SNED1: variants seen among roughly 807,000 people sequenced by gnomAD.
SNED1 encodes the protein sushi, nidogen and EGF-like domain-containing protein 1.
A neutral mutation model predicts 166.7 loss-of-function variants in SNED1; 81 were observed. That is an observed-to-expected ratio of 0.49 (90% confidence interval 0.41 to 0.58). The LOEUF is 0.58. Among genes scored for constraint, SNED1 ranks in the 20% least tolerant of loss-of-function variants. The pLI, the probability that SNED1 is intolerant of heterozygous loss-of-function variation, is 0.00. For missense variants in SNED1, 1,604 were observed against 2,000.2 expected, an observed-to-expected ratio of 0.80 and a Z score of 3.78; for synonymous variants, 762 against 822.0, an observed-to-expected ratio of 0.93 and a Z score of 1.25.
chr2:241,081,882 G>A (rs2063345547), intron 28 of SNED1, 89 bp downstream of exon 28: 2 of 1,006,324 alleles, frequency 2.0e-6, no homozygotes, highest in Admixed American at 4.1e-5. Flanking sequence ...GTTTGCCACG[G>A]GAGCCTCCAA....
In SNED1 at chr2:241,069,002, G is replaced by A. The variant is rs138901734; in HGVS notation, c.3286G>A (p.Ala1096Thr). 35 of 1,552,776 alleles carry A rather than the reference G, an allele frequency of 2.3e-5. No homozygotes were observed. Among genetic ancestry groups the A allele is most frequent in the African/African-American group, 8.2e-5 (6 of 73,258 alleles). ...EEHPTESLAT[A>T]PTHVWTRPLP... ...GCACCCCACAGAGAGCCTGGCCACC[G>A]CGCCGACGCACGTGTGGACCCGTGA... is the stretch of plus-strand genomic sequence containing the variant. Residue 1096 changes from alanine to threonine, a missense_variant, in exon 23 of 32, where the codon GCG (alanine) becomes ACG (threonine). This residue lies in a region of SNED1 where 1,237 missense variants were observed against 1,620.8 expected (regional missense o/e 0.76). Coordinates refer to ENST00000310397, the MANE Select transcript of SNED1 (RefSeq NM_001080437.3). This position sits in a 1 kb window ranked among gnomAD's most constrained non-coding sequence, Gnocchi z 4.9.
intron 8 of SNED1, among the ~76,000 whole-genome samples, chr2:241,042,073 A>G (rs2061535939): frequency 6.6e-6 from 1 of 152,160 alleles, no homozygotes; most frequent in African/African-American, 2.4e-5. Context: ...AGGAACTGAG[A>G]GTCCAGCAGT....
At chr2:241,046,873 G>A (rs2061661710) in intron 8 of SNED1, among the ~76,000 whole-genome samples, 1 of 152,142 alleles carries the variant, frequency 6.6e-6, no homozygotes, top group Admixed American at 6.5e-5. Context: ...TAGCTGGCGT[G>A]GTGGCTCACC....
At chr2:241,031,818 T>C (rs1275431746) in intron 2 of SNED1, among the ~76,000 whole-genome samples, 2 of 152,204 alleles carry the variant, frequency 1.3e-5, no homozygotes, top group Non-Finnish European at 2.9e-5. Context: ...ATGTTGACTT[T>C]TACATAAGTG....
At chr2:241,088,533 T>C in intron 31 of SNED1, 131 bp downstream of exon 31, 1 of 759,818 alleles carries the variant, frequency 1.3e-6, no homozygotes, top group Non-Finnish European at 2.3e-6. Flanking sequence ...GGTCCTGTGC[T>C]GCTGTGTTAC....
intron 8 of SNED1, among the ~76,000 whole-genome samples, chr2:241,045,815 C>A (rs891796585): frequency 6.6e-6 from 1 of 151,504 alleles, no homozygotes; most frequent in Non-Finnish European, 1.5e-5. Context: ...TAGACTTCAT[C>A]AAAATTTAAA....
In SNED1 at chr2:241,064,111, A is replaced by C; in HGVS notation, c.2585A>C (p.Tyr862Ser). 1 of 1,561,082 alleles carries C rather than the reference A, an allele frequency of 6.4e-7. No individual in the cohort carries two copies. ...GTCTGCCCAGAGAGCTTCTTCGGCT[A>C]CCACTGCGAGACAGGTAGGGCGGCA... ...LCVCPESFFG[Y>S]HCETVSDPCF... The change falls in exon 19 of 32, where the codon TAC becomes TCC. Residue 862 changes from tyrosine (Y) to serine (S), a missense_variant. Coordinates refer to ENST00000310397, the MANE Select transcript of SNED1 (RefSeq NM_001080437.3). The surrounding 1 kb of genome is among the most constrained non-coding windows in gnomAD (Gnocchi z 7.0).
At chr2:241,059,356 T>A (rs1272147876) in intron 16 of SNED1, among the ~76,000 whole-genome samples, 1 of 152,248 alleles carries the variant, frequency 6.6e-6, no homozygotes, top group Non-Finnish European at 1.5e-5. Flanking sequence ...TAGAAAGAGC[T>A]ACATATTTTT....
At chr2:241,061,233 A>G (rs1372167916) in intron 16 of SNED1, among the ~76,000 whole-genome samples, 4 of 152,242 alleles carry the variant, frequency 2.6e-5, no homozygotes, top group African/African-American at 9.6e-5. Flanking sequence ...ATTTCATGGA[A>G]GAAGAGATAC....
chr2:241,012,801 G>A (rs1465137622), intron 1 of SNED1, among the ~76,000 whole-genome samples: 2 of 150,960 alleles, frequency 1.3e-5, no homozygotes, highest in African/African-American at 2.4e-5. Flanking sequence ...TCAATTAAAC[G>A]AGGCAGTACT....
intron 14 of SNED1, 80 bp from the exon 15 acceptor site, chr2:241,052,275 G>A: frequency 6.9e-7 from 1 of 1,439,892 alleles, no homozygotes. Flanking sequence ...GTGGAGCTGG[G>A]TGCAGGAGGC....
At position 241,018,755 on chromosome 2, in the gene SNED1, A is replaced by G. The variant is rs899974677; in HGVS notation, c.214-11529A>G. On this transcript the variant is annotated intron_variant, in intron 1 of 31. Transcript: ENST00000310397. The surrounding 1 kb of genome is among the most constrained non-coding windows in gnomAD (Gnocchi z 5.4). The stretch of plus-strand genomic sequence containing the variant: ...CAGTGCCGTCAACCAAGCCACCCAC[A>G]TGTTCATGACTCAGGACTGTGTCAG... Among the ~76,000 whole-genome samples, 2 of 151,992 alleles carry G rather than the reference A, an allele frequency of 1.3e-5. No individual in the cohort carries two copies. Among genetic ancestry groups the G allele is most frequent in the Admixed American group, 1.3e-4 (2 of 15,272 alleles).
chr2:241,040,229 G>C, intron 7 of SNED1, 41 bp downstream of exon 7: 1 of 1,568,090 alleles, frequency 6.4e-7, no homozygotes, highest in Non-Finnish European at 8.7e-7. Context: ...GCTCCTGCCC[G>C]TGGCCAGGTG....
At chr2:241,029,901 TC>T (rs2061110958) in intron 1 of SNED1, among the ~76,000 whole-genome samples, 2 of 152,224 alleles carry the variant, frequency 1.3e-5, no homozygotes, top group African/African-American at 4.8e-5. Flanking sequence ...CCGCCTCGCC[TC>T]CTGCGGCCCC....
rs1422251949 is a variant in SNED1, at chr2:241,070,113, A to G, written c.3501A>G (p.Gly1167=). Residue 1167 remains glycine, a synonymous_variant, in exon 24 of 32, where the codon GGA becomes GGG. Transcript: ENST00000310397. The part of the protein sequence containing the change: ...ASYTVRDLLP[G]RRYQLSVIAV... ...ACACGGTGCGCGACCTGCTGCCGGG[A>G]CGGCGGTACCAGCTCTCTGTGATAG... The G allele has an allele frequency of 6.2e-7, 1 of 1,612,762 alleles. No homozygotes were observed. Among genetic ancestry groups the G allele is most frequent in the African/African-American group, 1.3e-5 (1 of 75,062 alleles).
rs764739803 is a variant in SNED1 at position 241,033,788 on chromosome 2, C to T, written c.555C>T (p.Ile185=). The T allele has an allele frequency of 5.6e-6, 9 of 1,611,918 alleles. No homozygotes were observed. The highest frequency in any genetic ancestry group is 3.3e-5 in the South Asian group (3 of 90,738). The change falls in exon 3 of 32, where the codon ATC becomes ATT. Residue 185 remains isoleucine (I), a synonymous_variant. Transcript: ENST00000310397. The part of the protein sequence containing the change: ...LITDGKLSFT[I]FNYESIVWTT... ...CAGACGGCAAGCTCTCCTTCACCAT[C>T]TTCAACTATGAGTCCATCGTGTGGA...
In SNED1 at chr2:241,036,647, C is replaced by T. The variant is rs142539056; in HGVS notation, c.806-143C>T. Reference sequence around the variant, plus strand: ...CTCCGACCTAAAGTGAAACCTGAAACCTGGCTGCTTTGCTGCGGTCACCCG... The same window carrying T: ...CTCCGACCTAAAGTGAAACCTGAAATCTGGCTGCTTTGCTGCGGTCACCCG... On this transcript the variant is annotated intron_variant, in intron 4 of 31. Coordinates refer to ENST00000310397, the MANE Select transcript of SNED1 (RefSeq NM_001080437.3). The T allele has an allele frequency of 6.3e-5, 68 of 1,077,972 alleles. No individual in the cohort carries two copies. In the African/African-American group the frequency reaches 8.9e-4, roughly 14 times the overall value. 66.8% of individuals were successfully genotyped at this position (1,077,972 alleles called of 1,614,324 possible).
At chr2:241,065,818 T>C (rs1008969029) in intron 21 of SNED1, among the ~76,000 whole-genome samples, 15 of 151,880 alleles carry the variant, frequency 9.9e-5, no homozygotes, top group South Asian at 2.1e-4. Context: ...TTGGGGCGCA[T>C]AGAATCGAGC....
intron 1 of SNED1, among the ~76,000 whole-genome samples, chr2:241,007,171 G>C (rs2060243644): frequency 6.6e-6 from 1 of 152,214 alleles, no homozygotes; most frequent in African/African-American, 2.4e-5. Flanking sequence ...GAATATCCTT[G>C]TTGATGGGAA....
Sources: gnomAD v4.1 joint callset for allele counts (sites outside exome capture counted in the v4.1 genomes callset) on GRCh38, gnomAD v4.1.1 for gene constraint, gnomAD v4.1.1 regional missense constraint, Gnocchi (gnomAD v3.1) non-coding constraint, MANE v1.5 for transcripts, NCBI Gene and HGNC (gene_info 2026-07-23, HGNC 2026-07-21) for gene names.